The following IMMP2L variants were observed in gnomAD, a reference collection of about 807,000 sequenced individuals.
The protein encoded by IMMP2L is inner mitochondrial membrane peptidase subunit 2.
IMMP2L carries 18 observed loss-of-function variants against 19.3 expected under a neutral mutation model. That is an observed-to-expected ratio of 0.93 (90% confidence interval 0.64 to 1.38). The LOEUF is 1.38. IMMP2L is among the 40% of genes most tolerant of loss of function. The pLI, the probability that IMMP2L is intolerant of heterozygous loss-of-function variation, is 0.00. For synonymous variants in IMMP2L, 76 were observed against 73.0 expected (o/e 1.04, Z -0.21); for missense variants, 233 against 218.2 (o/e 1.07, Z -0.43).
intron 4 of IMMP2L, among the ~76,000 whole-genome samples, chr7:110,908,749 G>A (rs2129548111): frequency 6.6e-6 from 1 of 152,294 alleles, no homozygotes. Context: ...GGATAACAAT[G>A]TAACAGAATA....
At chr7:110,772,706 T>C (rs1389695573) in intron 5 of IMMP2L, among the ~76,000 whole-genome samples, 1 of 152,114 alleles carries the variant, frequency 6.6e-6, no homozygotes, top group Non-Finnish European at 1.5e-5. Flanking sequence ...CCAGGCCCCT[T>C]GACTGCAATG....
At chr7:111,203,089 G>A (rs770626374) in intron 3 of IMMP2L, among the ~76,000 whole-genome samples, 11 of 152,154 alleles carry the variant, frequency 7.2e-5, no homozygotes, top group Non-Finnish European at 1.5e-4. Context: ...TTCAGACACA[G>A]ATGCAAGTAA....
chr7:111,027,019 T>C (rs1212117018), intron 3 of IMMP2L, among the ~76,000 whole-genome samples: 1 of 152,184 alleles, frequency 6.6e-6, no homozygotes, highest in Non-Finnish European at 1.5e-5. Context: ...TTTTCTGTCC[T>C]TGTCACATTC....
At chr7:111,102,083 TAA>T (rs879353268) in intron 3 of IMMP2L, among the ~76,000 whole-genome samples, 1 of 145,290 alleles carries the variant, frequency 6.9e-6, no homozygotes, top group African/African-American at 2.5e-5. Context: ...TCAATTTCTT[TAA>T]AAAAAAAAAA....
chr7:111,145,998 GGA>G (rs1371033374), intron 3 of IMMP2L, among the ~76,000 whole-genome samples: 2 of 151,926 alleles, frequency 1.3e-5, no homozygotes, highest in Non-Finnish European at 2.9e-5. Flanking sequence ...TACTGACTTA[GGA>G]GAGATTAAAG....
intron 3 of IMMP2L, among the ~76,000 whole-genome samples, chr7:111,048,590 G>A (rs1792679392): frequency 6.6e-6 from 1 of 152,256 alleles, no homozygotes; most frequent in East Asian, 1.9e-4. Context: ...AAGGAGGCCT[G>A]TAATACCACC....
At chr7:110,726,250 A>C (rs1795876135) in intron 5 of IMMP2L, among the ~76,000 whole-genome samples, 1 of 152,204 alleles carries the variant, frequency 6.6e-6, no homozygotes, top group African/African-American at 2.4e-5. Flanking sequence ...CTCCTTGAAC[A>C]TCTCCCTCAC....
rs1023431358 is a variant in IMMP2L, at chr7:110,896,590, T to C, written c.306-9895A>G. 9.4e-5 allele frequency among the ~76,000 whole-genome samples: 3 copies of C among 32,044 alleles called. 1 individual carries two copies. The highest frequency in any genetic ancestry group is 1.5e-4 in the Non-Finnish European group (3 of 20,676). 21.0% of individuals were successfully genotyped at this position (32,044 alleles called of 152,430 possible). A position where few individuals can be genotyped will look rare whatever the true frequency, so the allele number is the denominator to read the frequency against. ...TAGATACTGTTAATCTGTTGACTTCTGTATTTGTGGCACATTTTGCCTTTC... is the reference window on the plus strand; with the variant it reads ...TAGATACTGTTAATCTGTTGACTTCCGTATTTGTGGCACATTTTGCCTTTC... On this transcript the variant is annotated intron_variant, in intron 4 of 5. Transcript: ENST00000405709.
chr7:111,157,002 T>C (rs1490264489), intron 3 of IMMP2L, among the ~76,000 whole-genome samples: 2 of 152,032 alleles, frequency 1.3e-5, no homozygotes, highest in African/African-American at 4.8e-5. Flanking sequence ...AACAGAGAAA[T>C]GCAAATCAAA....
chr7:111,434,283 C>A (rs929527432), intron 3 of IMMP2L, among the ~76,000 whole-genome samples: 3 of 151,718 alleles, frequency 2.0e-5, no homozygotes, highest in African/African-American at 7.3e-5. Flanking sequence ...GTCACAAAGT[C>A]TTATGTTCTG....
chr7:111,282,831 C>T (rs908911601), intron 3 of IMMP2L, among the ~76,000 whole-genome samples: 4 of 152,140 alleles, frequency 2.6e-5, no homozygotes, highest in Non-Finnish European at 4.4e-5. Flanking sequence ...TGATTCACCC[C>T]CTCGGCCTCC....
At chr7:110,884,106 C>T (rs1020301517) in intron 5 of IMMP2L, among the ~76,000 whole-genome samples, 1 of 151,984 alleles carries the variant, frequency 6.6e-6, no homozygotes, top group Non-Finnish European at 1.5e-5. Flanking sequence ...GTTATATATA[C>T]ATACAAATAC....
intron 5 of IMMP2L, among the ~76,000 whole-genome samples, chr7:110,874,876 A>C (rs2129544237): frequency 6.6e-6 from 1 of 152,178 alleles, no homozygotes; most frequent in East Asian, 1.9e-4. Flanking sequence ...TGATTTCAAG[A>C]TGGCACCTTG....
chr7:111,182,428 C>T (rs191013241), intron 3 of IMMP2L, among the ~76,000 whole-genome samples: 93 of 151,956 alleles, frequency 6.1e-4, no homozygotes, highest in Non-Finnish European at 1.0e-3. Context: ...GCCCAGTCCC[C>T]GAAAACTCCA....
At chr7:111,464,147 T>C (rs1288693832) in intron 3 of IMMP2L, among the ~76,000 whole-genome samples, 1 of 152,092 alleles carries the variant, frequency 6.6e-6, no homozygotes, top group East Asian at 1.9e-4. Context: ...TTTACCTCTC[T>C]GTACACTAAT....
chr7:110,680,866 G>T lies in IMMP2L; in HGVS notation c.409-17145C>A, dbSNP rs1437322443. Among the ~76,000 whole-genome samples, 6 of 152,248 alleles carry T rather than the reference G, an allele frequency of 3.9e-5. No individual in the cohort carries two copies. The East Asian group carries it at 1.2e-3, about 29-fold the overall frequency. On this transcript the variant is annotated intron_variant, in intron 5 of 5. Coordinates refer to ENST00000405709, the MANE Select transcript of IMMP2L (RefSeq NM_032549.4). ...CACAGAAACAGAGATTACTGGCAGA[G>T]ACATGAGTGCCAGAAAGTGTCCAGA...
At chr7:110,915,264 C>G (rs1195216922) in intron 4 of IMMP2L, among the ~76,000 whole-genome samples, 1 of 152,198 alleles carries the variant, frequency 6.6e-6, no homozygotes, top group African/African-American at 2.4e-5. Context: ...CACGCACACA[C>G]ACACAAATAT....
At chr7:110,955,700 A>G (rs1585430429) in intron 4 of IMMP2L, among the ~76,000 whole-genome samples, 1 of 152,126 alleles carries the variant, frequency 6.6e-6, no homozygotes, top group East Asian at 1.9e-4. Context: ...CCCATTTGAG[A>G]ACTATAAAAT....
intron 3 of IMMP2L, among the ~76,000 whole-genome samples, chr7:111,086,239 C>A (rs1223590593): frequency 6.7e-6 from 1 of 149,604 alleles, no homozygotes; most frequent in Non-Finnish European, 1.5e-5. Context: ...ATAGAGAGAC[C>A]CCATCTCTAC....
Sources: gnomAD v4.1 joint callset for allele counts (sites outside exome capture counted in the v4.1 genomes callset) on GRCh38, gnomAD v4.1.1 for gene constraint, MANE v1.5 for transcripts, NCBI Gene and HGNC (gene_info 2026-07-23, HGNC 2026-07-21) for gene names.